FBXL20: variants seen among roughly 807,000 people sequenced by gnomAD.
The protein encoded by FBXL20 is F-box/LRR-repeat protein 20.
In FBXL20, 11 loss-of-function variants were observed where a neutral mutation model predicts 64.0. That is an observed-to-expected ratio of 0.17 (90% CI 0.11 to 0.28). The LOEUF is 0.28. Ranked by LOEUF, FBXL20 falls within the 10% of genes least tolerant of loss-of-function variation. The pLI, the probability that FBXL20 is intolerant of heterozygous loss-of-function variation, is 1.00. For missense variants in FBXL20, 303 were observed against 526.2 expected (o/e 0.58, Z 4.15); for synonymous variants, 184 against 189.0 (o/e 0.97, Z 0.22).
Position 39,401,397 on chromosome 17 carries a change from C to A in FBXL20, c.6G>T (p.Arg2Ser). The change falls in exon 1 of 15, where the codon AGG becomes AGT. Residue 2 changes from arginine (R) to serine (S), a missense_variant. Coordinates refer to ENST00000264658, the MANE Select transcript of FBXL20 (RefSeq NM_032875.3). ...TCTTGGTCACTCCGTTCACGTCCCT[C>A]CTCATGGGGCCGGCGGGTGCGGCCC... Reference protein sequence around the residue: MRRDVNGVTKSR... With the variant: MSRDVNGVTKSR... 1.2e-6 allele frequency: 2 copies of A among 1,608,770 alleles called. No individual in the cohort carries two copies. The highest frequency in any genetic ancestry group is 2.3e-5 in the East Asian group (1 of 44,398).
intron 2 of FBXL20, among the ~76,000 whole-genome samples, chr17:39,322,962 G>A (rs1215550812): frequency 1.4e-5 from 2 of 138,550 alleles, no homozygotes; most frequent in African/African-American, 5.6e-5. Context: ...CAGCCACCAC[G>A]CCCAGCTAAT....
intron 9 of FBXL20, among the ~76,000 whole-genome samples, chr17:39,280,363 C>T (rs2046938163): frequency 1.4e-5 from 2 of 147,856 alleles, no homozygotes; most frequent in Non-Finnish European, 3.0e-5. Flanking sequence ...GATAGCGTCA[C>T]TGCACTCTAG....
intron 1 of FBXL20, among the ~76,000 whole-genome samples, chr17:39,378,614 A>AT (rs563530990): frequency 1.0e-3 from 149 of 144,804 alleles, no homozygotes; most frequent in South Asian, 1.1e-3. Context: ...AATGGCTATA[A>AT]TTTTTTTTTT....
chr17:39,327,298 G>C (rs2047418031), intron 2 of FBXL20, among the ~76,000 whole-genome samples: 1 of 151,954 alleles, frequency 6.6e-6, no homozygotes, highest in Admixed American at 6.6e-5. Flanking sequence ...AAGACAAAAA[G>C]CAAACAAAAA....
At chr17:39,323,468 ATATAGGTGC>A (rs1189965919) in intron 2 of FBXL20, among the ~76,000 whole-genome samples, 1 of 152,214 alleles carries the variant, frequency 6.6e-6, no homozygotes, top group African/African-American at 2.4e-5. Flanking sequence ...TGACCTGAAA[ATATAGGTGC>A]TATTGAAAGT....
chr17:39,267,829 T>G (rs1174975942), intron 12 of FBXL20, among the ~76,000 whole-genome samples: 1 of 152,100 alleles, frequency 6.6e-6, no homozygotes, highest in Non-Finnish European at 1.5e-5. Flanking sequence ...GGAAGGGACA[T>G]AGAGGACACT....
intron 4 of FBXL20, among the ~76,000 whole-genome samples, chr17:39,300,200 T>C (rs568523446): frequency 7.9e-5 from 12 of 152,324 alleles, no homozygotes; most frequent in African/African-American, 2.9e-4. Flanking sequence ...CAAAATCCCA[T>C]ATAATGCCAG....
chr17:39,349,752 C>T (rs564165122), intron 1 of FBXL20, among the ~76,000 whole-genome samples: 32 of 151,928 alleles, frequency 2.1e-4, no homozygotes, highest in Non-Finnish European at 3.5e-4. Context: ...CTAGCTAACA[C>T]GGTGAAACCC....
intron 9 of FBXL20, among the ~76,000 whole-genome samples, chr17:39,279,099 G>A (rs1209226592): frequency 6.6e-6 from 1 of 151,756 alleles, no homozygotes; most frequent in Non-Finnish European, 1.5e-5. Flanking sequence ...AGCCGAGATC[G>A]CACCACTGCA....
chr17:39,287,636 C>T (rs2047000463), intron 6 of FBXL20, among the ~76,000 whole-genome samples: 2 of 152,088 alleles, frequency 1.3e-5, no homozygotes, highest in African/African-American at 4.8e-5. Flanking sequence ...AACTTTTGGC[C>T]TCAAGTGATC....
chr17:39,317,122 T>C (rs952720963), intron 2 of FBXL20, among the ~76,000 whole-genome samples: 2 of 152,218 alleles, frequency 1.3e-5, no homozygotes, highest in Non-Finnish European at 2.9e-5. Context: ...AATATATGAA[T>C]TGAATCCAAA....
At chr17:39,282,483 T>A (rs940395440) in intron 8 of FBXL20, among the ~76,000 whole-genome samples, 2 of 152,188 alleles carry the variant, frequency 1.3e-5, no homozygotes, top group African/African-American at 4.8e-5. Context: ...CCATGGTGTA[T>A]CTTTAATATA....
Position 39,335,994 on chromosome 17 carries a change from C to T in FBXL20, c.104+7186G>A, listed in dbSNP as rs182865737. 9.2e-5 allele frequency among the ~76,000 whole-genome samples: 14 copies of T among 152,102 alleles called. No individual in the cohort carries two copies. In the South Asian group the frequency reaches 2.3e-3, roughly 25 times the overall value. On this transcript the variant is annotated intron_variant, in intron 2 of 14. Coordinates refer to ENST00000264658, the MANE Select transcript of FBXL20 (RefSeq NM_032875.3). ...CATCTCTACAAAAGAAAACAACATG[C>T]GTGTAGTCCCAGCTACTCAGGAGCT...
At chr17:39,334,391 T>C (rs1483796284) in intron 2 of FBXL20, among the ~76,000 whole-genome samples, 1 of 152,038 alleles carries the variant, frequency 6.6e-6, no homozygotes, top group African/African-American at 2.4e-5. Flanking sequence ...CATGTTTATC[T>C]GCTGACCTTC....
intron 6 of FBXL20, among the ~76,000 whole-genome samples, chr17:39,290,867 C>A (rs995875161): frequency 6.6e-6 from 1 of 151,964 alleles, no homozygotes; most frequent in East Asian, 1.9e-4. Flanking sequence ...TCAGCCTGTG[C>A]GTGTTCTTTC....
intron 14 of FBXL20, chr17:39,263,954 TA>T: frequency 2.0e-6 from 1 of 489,320 alleles, no homozygotes; most frequent in East Asian, 3.5e-5. Flanking sequence ...GGAGGAGACC[TA>T]CTTTTCTTCC....
At chr17:39,388,300 T>G (rs796970245) in intron 1 of FBXL20, among the ~76,000 whole-genome samples, 1 of 151,356 alleles carries the variant, frequency 6.6e-6, no homozygotes, top group African/African-American at 2.4e-5. Flanking sequence ...CTACTAAAAG[T>G]GCAAAAAAAA....
At chr17:39,276,022 G>A (rs531613621) in intron 9 of FBXL20, among the ~76,000 whole-genome samples, 2 of 151,842 alleles carry the variant, frequency 1.3e-5, no homozygotes, top group East Asian at 3.9e-4. Flanking sequence ...TGAGGTGGGT[G>A]GATCACCTGA....
chr17:39,387,277 C>CTTTT (rs34511500), intron 1 of FBXL20, among the ~76,000 whole-genome samples: 2 of 126,018 alleles, frequency 1.6e-5, no homozygotes, highest in African/African-American at 2.9e-5. Flanking sequence ...ATTAACTGCA[C>CTTTT]TTTTTTTTTT....
Sources: gnomAD v4.1 joint callset for allele counts (sites outside exome capture counted in the v4.1 genomes callset) on GRCh38, gnomAD v4.1.1 for gene constraint, MANE v1.5 for transcripts, NCBI Gene and HGNC (gene_info 2026-07-23, HGNC 2026-07-21) for gene names.